Variants in NSD3 observed in about 807,000 individuals in gnomAD.
The protein encoded by NSD3 is nuclear receptor binding SET domain protein 3.
NSD3 carries 24 observed loss-of-function variants against 160.8 expected under a neutral mutation model. The observed-to-expected ratio is 0.15, with a 90% CI of 0.11 to 0.21. The LOEUF is 0.21. Among genes scored for constraint, NSD3 ranks in the 10% least tolerant of loss-of-function variants. The pLI, the probability that NSD3 is intolerant of heterozygous loss-of-function variation, is 1.00. For synonymous variants in NSD3, 520 were observed against 600.0 expected, an observed-to-expected ratio of 0.87 and a Z score of 1.95; for missense variants, 1,157 against 1,735.9, an observed-to-expected ratio of 0.67 and a Z score of 5.93.
chr8:38,374,415 T>C (rs1161282370), intron 1 of NSD3, among the ~76,000 whole-genome samples: 1 of 152,172 alleles, frequency 6.6e-6, no homozygotes, highest in Non-Finnish European at 1.5e-5. Context: ...GTGGGTAATA[T>C]AAGCTATGAA....
At chr8:38,355,410 T>TAA (rs59402456) in intron 1 of NSD3, among the ~76,000 whole-genome samples, 6 of 144,110 alleles carry the variant, frequency 4.2e-5, no homozygotes, top group East Asian at 2.0e-4. Context: ...GCTAAAAAGT[T>TAA]AAAAAAAAAA....
rs1809803383 is a variant in NSD3, at chr8:38,321,967, A to G, written c.1709-795T>C. Among the ~76,000 whole-genome samples, 1 of 152,208 alleles carries G rather than the reference A, an allele frequency of 6.6e-6. No homozygotes were observed. On this transcript the variant is annotated intron_variant, in intron 7 of 23. Transcript: ENST00000317025. The surrounding 1 kb of genome is among the most constrained non-coding windows in gnomAD (Gnocchi z 4.7). ...CACAACTTGAAAGAACATTGTCAGG[A>G]ATGATTTCATTCTGTGAGCCTGAGG... is the stretch of plus-strand genomic sequence containing the variant.
At chr8:38,276,765 G>C in intron 22 of NSD3, 1 of 447,822 alleles carries the variant, frequency 2.2e-6, no homozygotes, top group South Asian at 2.4e-5. Flanking sequence ...GCTCACTGCA[G>C]CCTCGACCTC....
intron 1 of NSD3, among the ~76,000 whole-genome samples, chr8:38,367,873 G>A (rs962906847): frequency 2.0e-5 from 3 of 152,170 alleles, no homozygotes; most frequent in African/African-American, 4.8e-5. Context: ...GCATGGCCAC[G>A]ATTCTCTTTA....
intron 16 of NSD3, among the ~76,000 whole-genome samples, chr8:38,292,510 C>T (rs764934089): frequency 7.3e-5 from 11 of 151,394 alleles, no homozygotes; most frequent in Admixed American, 3.3e-4. Flanking sequence ...AGGCCAGGCA[C>T]GGTGTCTCAC....
Position 38,321,101 on chromosome 8 carries a change from C to G in NSD3, c.1780G>C (p.Val594Leu). 6.2e-7 allele frequency: 1 copy of G among 1,613,564 alleles called. No homozygotes were observed. The highest frequency in any genetic ancestry group is 8.5e-7 in the Non-Finnish European group (1 of 1,179,892). The change falls in exon 8 of 24, where the codon GTG (valine) becomes CTG (leucine). Residue 594 changes from valine (V) to leucine (L), a missense_variant. Val to Leu is a conservative substitution (Grantham distance 32). This residue lies in a region of NSD3 where 102 missense variants were observed against 126.5 expected (regional missense o/e 0.81). Coordinates refer to ENST00000317025, the MANE Select transcript of NSD3 (RefSeq NM_023034.2). The surrounding 1 kb of genome is among the most constrained non-coding windows in gnomAD (Gnocchi z 4.7). ...TCCTTTTTGATCTTCTTCTTTGGCA[C>G]AACCTCAGTGGATTTCTCTGATTCA... ...RSESEKSTEVVPKKKIKKEQV... is the reference protein window; with the variant it reads ...RSESEKSTEVLPKKKIKKEQV...
intron 4 of NSD3, among the ~76,000 whole-genome samples, chr8:38,333,857 G>A (rs11786625): frequency 0.2 from 29,696 of 151,852 alleles, 3,174 homozygotes; most frequent in East Asian, 0.29. Flanking sequence ...CTGGGCGACA[G>A]AGCGAGACTC....
intron 7 of NSD3, among the ~76,000 whole-genome samples, 158 bp downstream of exon 7, chr8:38,326,572 C>T (rs1180010123): frequency 6.6e-6 from 1 of 152,174 alleles, no homozygotes; most frequent in African/African-American, 2.4e-5. Flanking sequence ...GCCCCTAACC[C>T]ACTTTCCTAT....
chr8:38,346,313 G>A (rs1810527677), intron 2 of NSD3, among the ~76,000 whole-genome samples: 1 of 146,272 alleles, frequency 6.8e-6, no homozygotes, highest in South Asian at 2.1e-4. Flanking sequence ...TATAGTATAT[G>A]TATATGTATA....
chr8:38,299,669 A>G, intron 14 of NSD3, 79 bp from the exon 15 acceptor site: 4 of 1,364,468 alleles, frequency 2.9e-6, no homozygotes, highest in Non-Finnish European at 2.9e-6. Flanking sequence ...ACCAACACCT[A>G]TTATGTATGC....
In NSD3 at chr8:38,281,679, C is replaced by A. The variant is rs139659202; in HGVS notation, c.3502-96G>T. On this transcript the variant is annotated intron_variant, in intron 19 of 23. Coordinates refer to ENST00000317025, the MANE Select transcript of NSD3 (RefSeq NM_023034.2). ...ATAACCCAAAATAATTAAAGAGAAC[C>A]CTGAAAATATAACTTCAACCCTAGA... 2.3e-3 allele frequency: 1,471 copies of A among 644,288 alleles called. 4 individuals carry two copies. The highest frequency in any genetic ancestry group is 5.0e-3 in the Admixed American group (151 of 30,044). 39.9% of individuals were successfully genotyped at this position (644,288 alleles called of 1,614,324 possible).
intron 14 of NSD3, among the ~76,000 whole-genome samples, chr8:38,300,138 G>C (rs1260808400): frequency 6.6e-6 from 1 of 151,404 alleles, no homozygotes; most frequent in East Asian, 1.9e-4. Flanking sequence ...CTATCAATAT[G>C]GTACATGTTT....
chr8:38,307,098 G>C (rs908579658), intron 12 of NSD3, among the ~76,000 whole-genome samples: 1 of 140,524 alleles, frequency 7.1e-6, no homozygotes, highest in Non-Finnish European at 1.5e-5. Flanking sequence ...CTGGGTGACA[G>C]AGCGAGATAC....
intron 12 of NSD3, among the ~76,000 whole-genome samples, chr8:38,312,056 T>G (rs1178564569): frequency 6.6e-6 from 1 of 152,230 alleles, no homozygotes; most frequent in African/African-American, 2.4e-5. Flanking sequence ...TGTCTTTTTT[T>G]CCACTGACTA....
intron 1 of NSD3, among the ~76,000 whole-genome samples, chr8:38,368,928 T>G (rs1013592670): frequency 9.9e-5 from 15 of 152,196 alleles, no homozygotes; most frequent in African/African-American, 3.4e-4. Flanking sequence ...GACAAACTTT[T>G]AAATTATGGT....
Position 38,279,690 on chromosome 8 carries a change from A to G in NSD3, c.3619-9T>C. 1.2e-6 allele frequency: 2 copies of G among 1,608,834 alleles called. No individual in the cohort carries two copies. The highest frequency in any genetic ancestry group is 8.5e-7 in the Non-Finnish European group (1 of 1,175,920). The stretch of plus-strand genomic sequence containing the variant: ...GCATCAATTATACGGTCCTTCAGAA[A>G]GAAAAGAAAAGTACCTTTTACATAA... On this transcript the variant is annotated splice_polypyrimidine_tract_variant and intron_variant, in intron 20 of 23. Transcript: ENST00000317025.
chr8:38,277,067 G>A (rs571577071), intron 22 of NSD3, among the ~76,000 whole-genome samples: 4 of 151,896 alleles, frequency 2.6e-5, no homozygotes, highest in African/African-American at 4.8e-5. Flanking sequence ...TTAGCCTCCC[G>A]AGTAGCTGGG....
intron 12 of NSD3, among the ~76,000 whole-genome samples, chr8:38,312,611 C>T (rs530061746): frequency 4.6e-5 from 7 of 152,204 alleles, no homozygotes; most frequent in Admixed American, 2.0e-4. Flanking sequence ...GCTGTCTTTG[C>T]GACAGTCAGT....
chr8:38,295,304 A>G (rs1430513299), intron 16 of NSD3, among the ~76,000 whole-genome samples: 7 of 151,822 alleles, frequency 4.6e-5, no homozygotes, highest in Non-Finnish European at 1.0e-4. Context: ...GCTCATGCTT[A>G]TAATCCCAGC....
Sources: allele counts gnomAD v4.1 joint callset (sites outside exome capture counted in the v4.1 genomes callset), GRCh38; gene constraint gnomAD v4.1.1; regional missense constraint gnomAD v4.1.1; non-coding constraint Gnocchi (gnomAD v3.1); transcripts MANE v1.5; gene names NCBI Gene and HGNC (gene_info 2026-07-23, HGNC 2026-07-21).